Variants in LACTB observed in about 807,000 individuals in gnomAD.
LACTB encodes the protein lactamase beta, also known as serine beta-lactamase-like protein LACTB, mitochondrial.
Under a neutral mutation model 50.2 loss-of-function variants are expected in LACTB, and 35 were observed. That is an observed-to-expected ratio of 0.70 (90% CI 0.53 to 0.92). The LOEUF is 0.92. Ranked by LOEUF, LACTB falls within the 40% of genes least tolerant of loss-of-function variation. The pLI, the probability that LACTB is intolerant of heterozygous loss-of-function variation, is 0.00. For missense variants in LACTB, 664 were observed against 691.8 expected (o/e 0.96, Z 0.45); for synonymous variants, 252 against 268.2 (o/e 0.94, Z 0.59).
chr15:63,130,613 ATAATGTCCTT>A, intron 5 of LACTB: 1 of 152,292 alleles, frequency 6.6e-6, no homozygotes, highest in South Asian at 2.1e-4. Context: ...AGTTGTTCCA[ATAATGTCCTT>A]TATAGCAAAA....
intron 5 of LACTB, among the ~76,000 whole-genome samples, chr15:63,134,186 A>G (rs2037156168): frequency 6.6e-6 from 1 of 152,110 alleles, no homozygotes. Flanking sequence ...ATTGAGTTGG[A>G]AAATCAGTTT....
chr15:63,128,649 T>G (rs936929942), intron 4 of LACTB, among the ~76,000 whole-genome samples: 1 of 152,234 alleles, frequency 6.6e-6, no homozygotes, highest in Non-Finnish European at 1.5e-5. Context: ...TATAAAGTTA[T>G]TTATTTGAAA....
rs1482311262 is a variant in LACTB at position 63,122,533 on chromosome 15, C to T, written c.358-103C>T. The stretch of plus-strand genomic sequence containing the variant: ...GTGGGCGGGGCCCAGGTGGAGGGGG[C>T]GGGGCCCAGGCTCAGGGGGCGGGGC... On this transcript the variant is annotated intron_variant, in intron 1 of 5. Transcript: ENST00000261893. 8.5e-6 allele frequency: 8 copies of T among 937,394 alleles called. No individual in the cohort carries two copies. The East Asian group carries it at 1.5e-4, about 17-fold the overall frequency. The allele number at this position is 937,394 out of a possible 1,614,324, so 58.1% of individuals were successfully genotyped here.
intron 2 of LACTB, among the ~76,000 whole-genome samples, chr15:63,124,086 G>A (rs1439501119): frequency 6.6e-6 from 1 of 152,132 alleles, no homozygotes; most frequent in Non-Finnish European, 1.5e-5. Context: ...GGCTGGCAAC[G>A]GGCGTCTTCC....
At chr15:63,134,751 G>A (rs1304275101) in intron 5 of LACTB, among the ~76,000 whole-genome samples, 1 of 152,048 alleles carries the variant, frequency 6.6e-6, no homozygotes, top group Non-Finnish European at 1.5e-5. Flanking sequence ...AGCCATCTAT[G>A]CCACTGGCCA....
At chr15:63,127,189 A>G in intron 3 of LACTB, 140 bp downstream of exon 3, 2 of 914,080 alleles carry the variant, frequency 2.2e-6, no homozygotes, top group Non-Finnish European at 3.2e-6. Flanking sequence ...CCAGATGATA[A>G]TCAGGTAGGT....
intron 5 of LACTB, among the ~76,000 whole-genome samples, chr15:63,134,688 G>T (rs529201502): frequency 4.6e-5 from 7 of 152,336 alleles, no homozygotes; most frequent in Admixed American, 3.9e-4. Flanking sequence ...GAGCAGGCAT[G>T]TGCCTTGCTT....
At chr15:63,130,659 C>G (rs969737641) in intron 5 of LACTB, 1 of 151,788 alleles carries the variant, frequency 6.6e-6, no homozygotes, top group African/African-American at 2.4e-5. Flanking sequence ...TTTTTCTGGT[C>G]TAGGATCTAA....
intron 1 of LACTB, 22 bp downstream of exon 1, chr15:63,122,250 G>A (rs765402686): frequency 6.0e-5 from 91 of 1,521,356 alleles, no homozygotes; most frequent in South Asian, 2.5e-4. Context: ...GGAGCGGGGG[G>A]CGTAGGGGGC....
intron 4 of LACTB, among the ~76,000 whole-genome samples, chr15:63,128,570 T>C (rs943194547): frequency 1.3e-5 from 2 of 152,198 alleles, no homozygotes; most frequent in African/African-American, 4.8e-5. Flanking sequence ...CACTTTACTC[T>C]AGCTTGGGCA....
intron 4 of LACTB, among the ~76,000 whole-genome samples, chr15:63,128,793 G>T (rs2037091145): frequency 6.6e-6 from 1 of 151,934 alleles, no homozygotes; most frequent in African/African-American, 2.4e-5. Context: ...ACCCAGGCTG[G>T]AGTACAGTGG....
chr15:63,139,339 G>A (rs2037206308), intron 5 of LACTB, among the ~76,000 whole-genome samples: 1 of 151,558 alleles, frequency 6.6e-6, no homozygotes, highest in African/African-American at 2.4e-5. Context: ...CTGGGCACCA[G>A]AGCAAGACTC....
chr15:63,132,519 G>A (rs889707577), intron 5 of LACTB, among the ~76,000 whole-genome samples: 1 of 152,104 alleles, frequency 6.6e-6, no homozygotes, highest in South Asian at 2.1e-4. Flanking sequence ...ATTAATAAGA[G>A]TAATTAAGAT....
In LACTB at chr15:63,122,620, T is replaced by TCC. The variant is rs1352884411; in HGVS notation, c.358-13_358-12dup. The TCC allele has an allele frequency of 1.2e-6, 2 of 1,607,084 alleles. 1 individual carries two copies. Reference sequence around the variant, plus strand: ...AGCAGGCCCGTAACTGTCGGTTCTTTCCCCTTCGGTCTTAGGATGAGGTGG... The same window carrying TCC: ...AGCAGGCCCGTAACTGTCGGTTCTTTCCCCCCTTCGGTCTTAGGATGAGGTGG... On this transcript the variant is annotated splice_polypyrimidine_tract_variant and intron_variant, in intron 1 of 5. Transcript: ENST00000261893.
rs1019101315 is a variant in LACTB at position 63,122,066 on chromosome 15, G to A, written c.195G>A (p.Pro65=). 8 of 1,436,950 alleles carry A rather than the reference G, an allele frequency of 5.6e-6. No individual in the cohort carries two copies. The African/African-American group carries it at 5.9e-5, about 11-fold the overall frequency. 89.0% of individuals were successfully genotyped at this position (1,436,950 alleles called of 1,614,324 possible). ...KLAGGLRGAA[P]AQSPAAPDPE... ...CAGGTGGGCTGAGGGGCGCGGCCCC[G>A]GCGCAGTCCCCCGCGGCCCCCGACC... Residue 65 remains proline (P), a synonymous_variant, in exon 1 of 6, where the codon CCG becomes CCA. Transcript: ENST00000261893.
At chr15:63,131,414 A>T (rs1260186693) in intron 5 of LACTB, 1 of 152,218 alleles carries the variant, frequency 6.6e-6, no homozygotes, top group African/African-American at 2.4e-5. Flanking sequence ...GTTGCTTTTA[A>T]AATAGTATAT....
rs539813660 is a variant in LACTB, at chr15:63,123,453, G to A, written c.424+751G>A. On this transcript the variant is annotated intron_variant, in intron 2 of 5. Coordinates refer to ENST00000261893, the MANE Select transcript of LACTB (RefSeq NM_032857.5). ...TTGTAGGGACCAGCCCCACAGGGTC[G>A]GTGGGTCTCTCCCTGTGTGCGGCGA... Among the ~76,000 whole-genome samples, 6 of 152,298 alleles carry A rather than the reference G, an allele frequency of 3.9e-5. No individual in the cohort carries two copies. In the South Asian group the frequency reaches 1.0e-3, roughly 26 times the overall value.
chr15:63,122,724 T>C, intron 2 of LACTB, 22 bp downstream of exon 2: 1 of 1,554,586 alleles, frequency 6.4e-7, no homozygotes, highest in Non-Finnish European at 8.9e-7. Context: ...AAATTGTTGT[T>C]TTGTTCTGTG....
intron 5 of LACTB, among the ~76,000 whole-genome samples, chr15:63,134,834 G>T (rs1355558779): frequency 6.6e-6 from 1 of 151,790 alleles, no homozygotes; most frequent in African/African-American, 2.4e-5. Flanking sequence ...GTGTGTGTGT[G>T]TGTGTTTTCA....
Sources: allele counts gnomAD v4.1 joint callset (sites outside exome capture counted in the v4.1 genomes callset), GRCh38; gene constraint gnomAD v4.1.1; transcripts MANE v1.5; gene names NCBI Gene and HGNC (gene_info 2026-07-23, HGNC 2026-07-21).